GRIN3A: variants seen among roughly 807,000 people sequenced by gnomAD.
The protein encoded by GRIN3A is glutamate receptor ionotropic, NMDA 3A.
A neutral mutation model predicts 92.4 loss-of-function variants in GRIN3A; 47 were observed. That is an observed-to-expected ratio of 0.51 (90% CI 0.40 to 0.65). The LOEUF is 0.65. Among genes scored for constraint, GRIN3A ranks in the 30% least tolerant of loss-of-function variants. GRIN3A has a pLI of 0.00. For synonymous variants in GRIN3A, 527 were observed against 540.6 expected (o/e 0.97, Z 0.35); for missense variants, 1,324 against 1,393.1 (o/e 0.95, Z 0.79).
chr9:101,719,341 C>T (rs568370324), intron 1 of GRIN3A, among the ~76,000 whole-genome samples: 2 of 151,346 alleles, frequency 1.3e-5, no homozygotes, highest in South Asian at 4.2e-4. Context: ...ATCGTTTGAA[C>T]CTGGGAGGCA....
At chr9:101,692,521 A>G (rs1829632617) in intron 1 of GRIN3A, among the ~76,000 whole-genome samples, 1 of 152,192 alleles carries the variant, frequency 6.6e-6, no homozygotes, top group South Asian at 2.1e-4. Context: ...GGTTTAAGAG[A>G]AGAGAAAAGA....
chr9:101,628,357 T>G lies in GRIN3A; in HGVS notation c.2397A>C (p.Glu799Asp). 1.2e-6 allele frequency: 2 copies of G among 1,613,966 alleles called. No individual in the cohort carries two copies. Among genetic ancestry groups the G allele is most frequent in the South Asian group, 2.2e-5 (2 of 91,082 alleles). The change falls in exon 4 of 9, where the codon GAA (glutamate) becomes GAC (aspartate). Residue 799 changes from glutamate (E) to aspartate (D), a missense_variant. Transcript: ENST00000361820. ...SQGFRFGTVR[E>D]SSAEDYVRQS... ...GTCTCACATAATCTTCAGCACTGCT[T>G]TCTCGGACAGTTCCAAAGCGGAATC...
intron 6 of GRIN3A, among the ~76,000 whole-genome samples, chr9:101,579,969 T>C (rs1375354150): frequency 6.6e-6 from 1 of 152,170 alleles, no homozygotes; most frequent in Non-Finnish European, 1.5e-5. Context: ...GTGAGGGTTT[T>C]CATGTCCTCT....
intron 3 of GRIN3A, among the ~76,000 whole-genome samples, chr9:101,642,454 A>G (rs1017863146): frequency 2.0e-5 from 3 of 152,220 alleles, no homozygotes; most frequent in Admixed American, 2.0e-4. Flanking sequence ...AAGCACAGGC[A>G]ACAAAAGTAA....
intron 1 of GRIN3A, among the ~76,000 whole-genome samples, chr9:101,730,125 G>T (rs1307559014): frequency 6.6e-6 from 1 of 152,044 alleles, no homozygotes; most frequent in East Asian, 1.9e-4. Context: ...ATATAAAGGA[G>T]CAACTAGGTA....
intron 1 of GRIN3A, among the ~76,000 whole-genome samples, chr9:101,708,714 T>C (rs1264662466): frequency 6.6e-6 from 1 of 152,206 alleles, no homozygotes; most frequent in African/African-American, 2.4e-5. Context: ...TGATTTGTCT[T>C]ATGCGTTTCT....
intron 6 of GRIN3A, among the ~76,000 whole-genome samples, chr9:101,587,031 C>T (rs373166891): frequency 2.0e-5 from 3 of 152,136 alleles, no homozygotes; most frequent in Non-Finnish European, 2.9e-5. Context: ...CTGTTGCAGC[C>T]GGGCGCAGTG....
At chr9:101,606,146 G>C (rs954061499) in intron 6 of GRIN3A, among the ~76,000 whole-genome samples, 1 of 152,190 alleles carries the variant, frequency 6.6e-6, no homozygotes, top group Non-Finnish European at 1.5e-5. Flanking sequence ...GAAGTGCAGA[G>C]GCTGCACACT....
At chr9:101,688,051 C>T (rs1428731600) in intron 1 of GRIN3A, among the ~76,000 whole-genome samples, 1 of 152,182 alleles carries the variant, frequency 6.6e-6, no homozygotes, top group Non-Finnish European at 1.5e-5. Context: ...ATGTTTAGCA[C>T]AATGTCTTAT....
chr9:101,728,028 C>G (rs1830099689), intron 1 of GRIN3A, among the ~76,000 whole-genome samples: 1 of 150,424 alleles, frequency 6.6e-6, no homozygotes, highest in Non-Finnish European at 1.5e-5. Context: ...TATATATTTG[C>G]TCCCATTATT....
At chr9:101,620,950 T>A in intron 5 of GRIN3A, among the ~76,000 whole-genome samples, 1 of 152,144 alleles carries the variant, frequency 6.6e-6, no homozygotes, top group East Asian at 1.9e-4. Context: ...ATATATGCTA[T>A]CCTCTAATAA....
At chr9:101,624,967 G>A (rs563485197) in intron 4 of GRIN3A, among the ~76,000 whole-genome samples, 53 of 152,272 alleles carry the variant, frequency 3.5e-4, no homozygotes, top group African/African-American at 1.2e-3. Context: ...AAATCAGTGA[G>A]AGTAGAAGAG....
intron 8 of GRIN3A, among the ~76,000 whole-genome samples, chr9:101,575,947 A>G (rs1827820401): frequency 6.6e-6 from 1 of 152,210 alleles, no homozygotes; most frequent in Non-Finnish European, 1.5e-5. Context: ...TGGTAATATA[A>G]TATAGAAGAA....
chr9:101,573,278 G>A lies in GRIN3A; in HGVS notation c.3244C>T (p.Leu1082Phe), dbSNP rs1827784123. 5.6e-6 allele frequency: 9 copies of A among 1,614,046 alleles called. No individual in the cohort carries two copies. The East Asian group carries it at 8.9e-5, about 16-fold the overall frequency. Residue 1082 changes from leucine (L) to phenylalanine (F), a missense_variant, in exon 9 of 9, where the codon CTC becomes TTC. Coordinates refer to ENST00000361820, the MANE Select transcript of GRIN3A (RefSeq NM_133445.3). ...CGGATCACCTGAATCTGCTTCTCGA[G>A]CTCTGAGAGTTCCTGCATCACTGAG... ...RNSVMQELSE[L>F]EKQIQVIRQE...
chr9:101,621,778 A>G (rs1828559361), intron 5 of GRIN3A, among the ~76,000 whole-genome samples: 1 of 152,298 alleles, frequency 6.6e-6, no homozygotes, highest in East Asian at 1.9e-4. Context: ...CTGAAGATAA[A>G]GGTGGAAAAT....
chr9:101,627,988 C>T (rs1441496979), intron 4 of GRIN3A, among the ~76,000 whole-genome samples: 1 of 152,208 alleles, frequency 6.6e-6, no homozygotes, highest in Non-Finnish European at 1.5e-5. Context: ...ACTTCCTCCA[C>T]CATCTGCTAT....
chr9:101,617,630 T>TTA (rs1238228577), intron 5 of GRIN3A, among the ~76,000 whole-genome samples: 23 of 151,838 alleles, frequency 1.5e-4, no homozygotes, highest in African/African-American at 5.1e-4. Context: ...ATTTATTTAT[T>TTA]TTGTGTGTGT....
At chr9:101,691,277 G>A (rs966757321) in intron 1 of GRIN3A, among the ~76,000 whole-genome samples, 2 of 152,056 alleles carry the variant, frequency 1.3e-5, no homozygotes, top group African/African-American at 4.8e-5. Flanking sequence ...TCTCTATGGT[G>A]GATGAGAGAT....
rs146161602 is a variant in GRIN3A, at chr9:101,671,026, G to T, written c.1386C>A (p.Asn462Lys). Reference protein sequence around the residue: ...KGSTIVSSENNFFIWNLQHDP... With the variant: ...KGSTIVSSENKFFIWNLQHDP... ...CATGTTGAAGATTCCAGATGAAAAA[G>T]TTGTTTTCTGAGCTGACGATGGTGG... Residue 462 changes from asparagine to lysine, a missense_variant, in exon 3 of 9, where the codon AAC (asparagine) becomes AAA (lysine). Physicochemically the swap from Asn to Lys is moderately conservative, Grantham distance 94. Transcript: ENST00000361820. 8 of 1,613,928 alleles carry T rather than the reference G, an allele frequency of 5.0e-6. No homozygotes were observed. In the East Asian group the frequency reaches 1.3e-4, roughly 27 times the overall value.
Sources: gnomAD v4.1 joint callset for allele counts (sites outside exome capture counted in the v4.1 genomes callset) on GRCh38, gnomAD v4.1.1 for gene constraint, MANE v1.5 for transcripts, NCBI Gene and HGNC (gene_info 2026-07-23, HGNC 2026-07-21) for gene names.